The following MSRA variants were observed in gnomAD, a reference collection of about 807,000 sequenced individuals.
The protein encoded by MSRA is methionine sulfoxide reductase A, also known as mitochondrial peptide methionine sulfoxide reductase.
Under a neutral mutation model 31.3 loss-of-function variants are expected in MSRA, and 54 were observed. The ratio of observed to expected loss-of-function variants is 1.73; its 90% CI spans 1.39 to 2.17. The LOEUF is 2.17. Ranked by LOEUF, MSRA falls within the 30% of genes most tolerant of loss-of-function variation. The pLI is 0.00. For synonymous variants in MSRA, 169 were observed against 116.5 expected, an observed-to-expected ratio of 1.45 and a Z score of -2.90; for missense variants, 507 against 300.9, an observed-to-expected ratio of 1.69 and a Z score of -5.07.
intron 5 of MSRA, among the ~76,000 whole-genome samples, chr8:10,356,460 C>A (rs1022518519): frequency 6.6e-6 from 1 of 152,226 alleles, no homozygotes; most frequent in African/African-American, 2.4e-5. Context: ...CTTCCCAATT[C>A]TTGTAACAGC....
intron 1 of MSRA, among the ~76,000 whole-genome samples, chr8:10,175,837 C>T (rs540805717): frequency 5.9e-5 from 9 of 152,318 alleles, no homozygotes; most frequent in African/African-American, 1.2e-4. Context: ...CAACTCTATT[C>T]GCCGTTTTTA....
At chr8:10,222,238 C>T (rs1193900297) in intron 2 of MSRA, among the ~76,000 whole-genome samples, 1 of 152,074 alleles carries the variant, frequency 6.6e-6, no homozygotes, top group South Asian at 2.1e-4. Context: ...ACAAAAAAAG[C>T]TTTAGGCCTT....
chr8:10,240,983 C>T (rs561470144), intron 2 of MSRA, among the ~76,000 whole-genome samples: 4 of 152,136 alleles, frequency 2.6e-5, no homozygotes, highest in East Asian at 1.9e-4. Flanking sequence ...GTGCAGCTCA[C>T]GCGTGCCCTC....
At chr8:10,358,411 A>T (rs1479750576) in intron 5 of MSRA, among the ~76,000 whole-genome samples, 2 of 151,948 alleles carry the variant, frequency 1.3e-5, no homozygotes, top group African/African-American at 4.8e-5. Context: ...TTTTGTGGCT[A>T]TGTCATATTT....
chr8:10,259,872 C>T lies in MSRA; in HGVS notation c.331+14649C>T, dbSNP rs547766781. ...CGGTGCCACCCAGCTCGCTGGTGTT[C>T]CTGACTCGGGCTCTGCCCGCCTCAC... On this transcript the variant is annotated intron_variant, in intron 3 of 5. Coordinates refer to ENST00000317173, the MANE Select transcript of MSRA (RefSeq NM_012331.5). Among the ~76,000 whole-genome samples, 15 of 152,322 alleles carry T rather than the reference C, an allele frequency of 9.8e-5. No individual in the cohort carries two copies. The South Asian group carries it at 1.9e-3, about 19-fold the overall frequency.
rs972517803 is a variant in MSRA, at chr8:10,221,445, CATAT to C, written c.211+13551_211+13554del. Among the ~76,000 whole-genome samples, 88 of 101,176 alleles carry C rather than the reference CATAT, an allele frequency of 8.7e-4. 1 individual carries two copies. The highest frequency in any genetic ancestry group is 2.0e-4 in the Non-Finnish European group (9 of 44,040). 66.4% of individuals were successfully genotyped at this position (101,176 alleles called of 152,430 possible). On this transcript the variant is annotated intron_variant, in intron 2 of 5. Transcript: ENST00000317173. ...ATATATGTATATATGTGTATATATA[CATAT>C]ATATATTTGTTCTTTACACTTAACT...
chr8:10,132,496 C>T (rs1287968428), intron 1 of MSRA, among the ~76,000 whole-genome samples: 1 of 152,048 alleles, frequency 6.6e-6, no homozygotes, highest in African/African-American at 2.4e-5. Flanking sequence ...CTGGGGAAGT[C>T]CAAGATCAAG....
intron 1 of MSRA, among the ~76,000 whole-genome samples, chr8:10,193,568 C>T (rs1379297388): frequency 6.6e-6 from 1 of 152,170 alleles, no homozygotes; most frequent in Admixed American, 6.5e-5. Context: ...GTCAGGCACC[C>T]AGCAGTGTGT....
chr8:10,335,080 C>T (rs996362300), intron 5 of MSRA, among the ~76,000 whole-genome samples: 1 of 152,138 alleles, frequency 6.6e-6, no homozygotes, highest in Admixed American at 6.5e-5. Flanking sequence ...CAGGACGGGC[C>T]GGGCGCAGGG....
chr8:10,100,385 A>G (rs1221275094), intron 1 of MSRA, among the ~76,000 whole-genome samples: 2 of 152,132 alleles, frequency 1.3e-5, no homozygotes, highest in African/African-American at 4.8e-5. Flanking sequence ...GATCTGCTGC[A>G]GGAAGGTACC....
chr8:10,421,076 C>G (rs1808785431), intron 5 of MSRA, among the ~76,000 whole-genome samples: 1 of 152,132 alleles, frequency 6.6e-6, no homozygotes, highest in South Asian at 2.1e-4. Context: ...GGGATGTGAG[C>G]TGGGTAGGGA....
intron 5 of MSRA, among the ~76,000 whole-genome samples, chr8:10,323,770 G>GTGTGTGTGTGTGTGTGTGTC (rs1390517566): frequency 4.6e-5 from 7 of 151,680 alleles, no homozygotes; most frequent in Middle Eastern, 3.4e-3. Flanking sequence ...GTGTGTGTGT[G>GTGTGTGTGTGTGTGTGTGTC]TGTGTCTGTG....
intron 1 of MSRA, among the ~76,000 whole-genome samples, chr8:10,069,473 C>G (rs145657834): frequency 6.6e-6 from 1 of 152,308 alleles, no homozygotes; most frequent in African/African-American, 2.4e-5. Context: ...TATAAAGAAA[C>G]GTATTTTCTC....
At chr8:10,352,801 G>A (rs1053741257) in intron 5 of MSRA, among the ~76,000 whole-genome samples, 4 of 152,118 alleles carry the variant, frequency 2.6e-5, no homozygotes, top group African/African-American at 4.8e-5. Flanking sequence ...ATCAGAACGC[G>A]TGCCAGAGCC....
chr8:10,272,585 C>T (rs1436131138), intron 3 of MSRA, among the ~76,000 whole-genome samples: 1 of 152,190 alleles, frequency 6.6e-6, no homozygotes, highest in Non-Finnish European at 1.5e-5. Flanking sequence ...CCAGAAACAC[C>T]CTCACAGGGA....
chr8:10,102,345 T>C (rs1417961651), intron 1 of MSRA, among the ~76,000 whole-genome samples: 4 of 152,236 alleles, frequency 2.6e-5, no homozygotes, highest in Non-Finnish European at 5.9e-5. Flanking sequence ...TCTTTACTAT[T>C]CAGATTGCAT....
intron 2 of MSRA, among the ~76,000 whole-genome samples, chr8:10,228,403 C>T (rs1367630368): frequency 6.6e-6 from 1 of 152,198 alleles, no homozygotes; most frequent in Non-Finnish European, 1.5e-5. Flanking sequence ...ATGCCCAGTA[C>T]AGAAAATGCA....
At chr8:10,126,281 G>C (rs564113343) in intron 1 of MSRA, among the ~76,000 whole-genome samples, 1 of 152,266 alleles carries the variant, frequency 6.6e-6, no homozygotes, top group East Asian at 1.9e-4. Flanking sequence ...ATACCGTATT[G>C]TTTTTGTTAA....
At chr8:10,248,548 C>G (rs1015252785) in intron 3 of MSRA, among the ~76,000 whole-genome samples, 1 of 152,178 alleles carries the variant, frequency 6.6e-6, no homozygotes, top group Non-Finnish European at 1.5e-5. Flanking sequence ...TCTGCACAGC[C>G]TCAACAGGGG....
Sources: gnomAD v4.1 joint callset for allele counts (sites outside exome capture counted in the v4.1 genomes callset) on GRCh38, gnomAD v4.1.1 for gene constraint, MANE v1.5 for transcripts, NCBI Gene and HGNC (gene_info 2026-07-23, HGNC 2026-07-21) for gene names.